Variants in CLIP1 observed in about 807,000 individuals in gnomAD.
The protein encoded by CLIP1 is CAP-Gly domain containing linker protein 1.
In CLIP1, 66 loss-of-function variants were observed where a neutral mutation model predicts 161.6. That is an observed-to-expected ratio of 0.41 (90% CI 0.33 to 0.50). CLIP1 has a LOEUF of 0.50. CLIP1 is among the 20% of genes least tolerant of loss of function. The pLI is 0.27. For missense variants in CLIP1, 1,376 were observed against 1,702.0 expected (o/e 0.81, Z 3.37); for synonymous variants, 598 against 626.2 (o/e 0.96, Z 0.67).
chr12:122,381,167 A>G (rs1003271286), intron 1 of CLIP1, among the ~76,000 whole-genome samples: 2 of 152,248 alleles, frequency 1.3e-5, no homozygotes, highest in Admixed American at 1.3e-4. Context: ...AAGAGGGTTC[A>G]GAAAAATCTA....
intron 17 of CLIP1, among the ~76,000 whole-genome samples, chr12:122,326,448 A>T (rs1282492433): frequency 2.6e-5 from 4 of 152,216 alleles, no homozygotes; most frequent in African/African-American, 4.8e-5. Context: ...GGGAAGCTGA[A>T]GCAGGTGGAT....
intron 3 of CLIP1, among the ~76,000 whole-genome samples, chr12:122,367,105 C>T (rs558200185): frequency 1.3e-5 from 2 of 152,246 alleles, no homozygotes; most frequent in African/African-American, 2.4e-5. Flanking sequence ...GGGGATGAGT[C>T]GAAGTCACTG....
chr12:122,411,040 A>G (rs1956511350), intron 1 of CLIP1, among the ~76,000 whole-genome samples: 3 of 152,212 alleles, frequency 2.0e-5, no homozygotes. Context: ...CTCAAAAGGT[A>G]GAGTTCGCAT....
intron 1 of CLIP1, among the ~76,000 whole-genome samples, chr12:122,394,755 G>A (rs7972719): frequency 0.078 from 11,804 of 151,358 alleles, 1,501 homozygotes; most frequent in African/African-American, 0.27. Context: ...GTGTGGTGGT[G>A]CGCGCCTGTA....
At chr12:122,374,980 C>T (rs1224835383) in intron 3 of CLIP1, among the ~76,000 whole-genome samples, 1 of 152,038 alleles carries the variant, frequency 6.6e-6, no homozygotes, top group East Asian at 1.9e-4. Flanking sequence ...AACAGCTGGG[C>T]GTCAGTCAAA....
At chr12:122,374,545 C>A (rs145127950) in intron 3 of CLIP1, among the ~76,000 whole-genome samples, 4 of 151,886 alleles carry the variant, frequency 2.6e-5, no homozygotes, top group Admixed American at 2.6e-4. Context: ...GGGTGGATCA[C>A]GAGGTCAGGG....
chr12:122,341,298 G>A lies in CLIP1; in HGVS notation c.1906C>T (p.Gln636Ter). Residue 636 changes from glutamine (Q) to a stop codon, truncating the protein, a stop_gained, in exon 11 of 26, where the codon CAG (glutamine) becomes TAG (stop). Coordinates refer to ENST00000620786, the MANE Select transcript of CLIP1 (RefSeq NM_001247997.2). LOFTEE classifies it high-confidence loss of function. ...GATACCTTCAGTTCTTCCATCGCCTGCTGGTGGGATGCGATGGCAGTCTCC... is the reference window on the plus strand; with the variant it reads ...GATACCTTCAGTTCTTCCATCGCCTACTGGTGGGATGCGATGGCAGTCTCC... ...KLETAIASHQQAMEELKVSFS... is the reference protein window; with the variant it reads ...KLETAIASHQ 6.2e-7 allele frequency: 1 copy of A among 1,613,908 alleles called. No individual in the cohort carries two copies. Among genetic ancestry groups the A allele is most frequent in the Non-Finnish European group, 8.5e-7 (1 of 1,179,828 alleles).
intron 24 of CLIP1, chr12:122,277,304 G>A (rs1238908097): frequency 6.6e-6 from 1 of 151,932 alleles, no homozygotes; most frequent in Admixed American, 6.6e-5. Context: ...TTTTGAGACA[G>A]GGTGTTGCTC....
At chr12:122,410,804 G>A (rs1377643093) in intron 1 of CLIP1, among the ~76,000 whole-genome samples, 1 of 152,126 alleles carries the variant, frequency 6.6e-6, no homozygotes, top group East Asian at 1.9e-4. Flanking sequence ...TAACAGGTTT[G>A]TTTCTCCAAA....
At chr12:122,382,530 A>G (rs1955055864) in intron 1 of CLIP1, among the ~76,000 whole-genome samples, 1 of 151,518 alleles carries the variant, frequency 6.6e-6, no homozygotes, top group Admixed American at 6.6e-5. Context: ...AGATGAGAAC[A>G]CATAGAAAGA....
chr12:122,292,010 A>G (rs1950268153), intron 20 of CLIP1, among the ~76,000 whole-genome samples: 1 of 151,936 alleles, frequency 6.6e-6, no homozygotes, highest in African/African-American at 2.4e-5. Flanking sequence ...TCATTCATTC[A>G]AGACAGAGTC....
Position 122,284,009 on chromosome 12 carries a change from A to G in CLIP1, c.3647+4480T>C, listed in dbSNP as rs554071761. On this transcript the variant is annotated intron_variant, in intron 21 of 25. Coordinates refer to ENST00000620786, the MANE Select transcript of CLIP1 (RefSeq NM_001247997.2). ...CTTTTTGGTACTCAATGGTTGACAC[A>G]TTTATTTAACCATTACACGCATAGG... Among the ~76,000 whole-genome samples, 48 of 152,312 alleles carry G rather than the reference A, an allele frequency of 3.2e-4. 1 individual carries two copies. The highest frequency in any genetic ancestry group is 1.1e-3 in the African/African-American group (47 of 41,570).
intron 21 of CLIP1, among the ~76,000 whole-genome samples, chr12:122,282,821 C>T (rs1228984620): frequency 1.3e-5 from 2 of 152,048 alleles, no homozygotes; most frequent in African/African-American, 4.8e-5. Context: ...GATAGACTTT[C>T]TTTAGTCTTA....
chr12:122,393,985 G>A (rs1332815622), intron 1 of CLIP1, among the ~76,000 whole-genome samples: 2 of 149,764 alleles, frequency 1.3e-5, no homozygotes, highest in African/African-American at 4.9e-5. Flanking sequence ...TTTCGGAGGG[G>A]GAAAAACAGA....
At chr12:122,310,032 C>T in intron 19 of CLIP1, 150 bp from the exon 20 acceptor site, 1 of 838,344 alleles carries the variant, frequency 1.2e-6, no homozygotes, top group Non-Finnish European at 1.8e-6. Context: ...TATCTACATG[C>T]AGAAGGGGTT....
rs747720669 is a variant in CLIP1 at position 122,355,145 on chromosome 12, C to T, written c.1173G>A (p.Glu391=). 6.2e-7 allele frequency: 1 copy of T among 1,614,188 alleles called. No individual in the cohort carries two copies. The stretch of plus-strand genomic sequence containing the variant: ...CATGTCCGTCCCGGGCCAGAGCTAG[C>T]TCCTGCTCTATCTCCCCCACGTGGC... ...ATSHVGEIEQ[E]LALARDGHDQ... Residue 391 remains glutamate (E), a synonymous_variant, in exon 6 of 26, where the codon GAG becomes GAA. Transcript: ENST00000620786. The surrounding 1 kb of genome is among the most constrained non-coding windows in gnomAD (Gnocchi z 4.1).
chr12:122,333,425 A>G (rs2136281444), intron 14 of CLIP1, among the ~76,000 whole-genome samples: 1 of 152,296 alleles, frequency 6.6e-6, no homozygotes, highest in Non-Finnish European at 1.5e-5. Context: ...TTCAGGGAAA[A>G]CCTGAAGGAA....
At chr12:122,364,979 G>C (rs962613822) in intron 3 of CLIP1, 4 of 416,152 alleles carry the variant, frequency 9.6e-6, no homozygotes, top group Non-Finnish European at 1.8e-5. Flanking sequence ...GTAAACTATC[G>C]CAAGGACAAA....
At chr12:122,278,251 T>G in intron 23 of CLIP1, 48 bp from the exon 24 acceptor site, 12 of 1,442,436 alleles carry the variant, frequency 8.3e-6, no homozygotes, top group East Asian at 2.3e-5. Flanking sequence ...GGAGAATATA[T>G]GTATATTTTT....
Sources: allele counts gnomAD v4.1 joint callset (sites outside exome capture counted in the v4.1 genomes callset), GRCh38; gene constraint gnomAD v4.1.1; non-coding constraint Gnocchi (gnomAD v3.1); transcripts MANE v1.5; gene names NCBI Gene and HGNC (gene_info 2026-07-23, HGNC 2026-07-21).